The following PHLPP1 variants were observed in gnomAD, a reference collection of about 807,000 sequenced individuals.
PHLPP1 encodes the protein PH domain and leucine rich repeat protein phosphatase 1.
In PHLPP1, 42 loss-of-function variants were observed where a neutral mutation model predicts 117.2. The ratio of observed to expected loss-of-function variants is 0.36; its 90% CI spans 0.28 to 0.46. The LOEUF (loss-of-function observed/expected upper bound fraction) is 0.46, where lower values mean the gene tolerates loss of function less well. Ranked by LOEUF, PHLPP1 falls within the 20% of genes least tolerant of loss-of-function variation. The pLI is 1.00. For missense variants in PHLPP1, 2,084 were observed against 2,241.9 expected, an observed-to-expected ratio of 0.93 and a Z score of 1.42; for synonymous variants, 1,042 against 970.7, an observed-to-expected ratio of 1.07 and a Z score of -1.37.
intron 3 of PHLPP1, among the ~76,000 whole-genome samples, chr18:62,848,455 A>ATTTTTTTTTTTTTTTTTTTTT (rs56223512): frequency 2.3e-5 from 2 of 88,550 alleles, no homozygotes; most frequent in Non-Finnish European, 4.1e-5. Flanking sequence ...TTTTTTGTTG[A>ATTTTTTTTTTTTTTTTTTTTT]TTTTTTTTTT....
At chr18:62,958,606 G>T in intron 12 of PHLPP1, 23 bp from the exon 13 acceptor site, 1 of 1,613,228 alleles carries the variant, frequency 6.2e-7, no homozygotes, top group South Asian at 1.1e-5. Context: ...TCTCTTTCTT[G>T]TTTGCACTTG....
At chr18:62,831,195 C>T (rs149516270) in intron 2 of PHLPP1, among the ~76,000 whole-genome samples, 1 of 152,114 alleles carries the variant, frequency 6.6e-6, no homozygotes, top group African/African-American at 2.4e-5. Flanking sequence ...TTTATAAAGT[C>T]CCAAGCATTG....
chr18:62,815,166 T>C (rs1367680303), intron 1 of PHLPP1, among the ~76,000 whole-genome samples: 2 of 150,440 alleles, frequency 1.3e-5, no homozygotes, highest in African/African-American at 4.9e-5. Context: ...TTTTCCTCTT[T>C]TTTTTTTTTT....
At chr18:62,737,284 AT>A (rs1911397795) in intron 1 of PHLPP1, among the ~76,000 whole-genome samples, 1 of 152,114 alleles carries the variant, frequency 6.6e-6, no homozygotes, top group South Asian at 2.1e-4. Flanking sequence ...GAGTGGTGAA[AT>A]TTTAGGTGAT....
At chr18:62,801,412 C>T (rs1913779109) in intron 1 of PHLPP1, among the ~76,000 whole-genome samples, 1 of 151,630 alleles carries the variant, frequency 6.6e-6, no homozygotes, top group Non-Finnish European at 1.5e-5. Flanking sequence ...ACATGTTTTG[C>T]CTGGTAGGTT....
intron 2 of PHLPP1, among the ~76,000 whole-genome samples, chr18:62,835,858 G>A (rs141197278): frequency 2.5e-3 from 341 of 135,776 alleles, no homozygotes; most frequent in Non-Finnish European, 2.8e-3. Flanking sequence ...TCAGCTCACT[G>A]CATCCTCCAC....
intron 1 of PHLPP1, among the ~76,000 whole-genome samples, chr18:62,789,880 A>G (rs1465261145): frequency 6.6e-6 from 1 of 152,184 alleles, no homozygotes; most frequent in Admixed American, 6.5e-5. Flanking sequence ...GATGCTTTTC[A>G]CAGTAACACA....
intron 3 of PHLPP1, among the ~76,000 whole-genome samples, chr18:62,845,682 G>C (rs1421561203): frequency 2.0e-5 from 3 of 152,108 alleles, no homozygotes; most frequent in Non-Finnish European, 4.4e-5. Flanking sequence ...CTCTTAACTT[G>C]AAGTGTAGTT....
intron 1 of PHLPP1, among the ~76,000 whole-genome samples, chr18:62,778,204 C>A (rs1026684806): frequency 6.6e-6 from 1 of 152,146 alleles, no homozygotes; most frequent in Non-Finnish European, 1.5e-5. Flanking sequence ...TTCTTCCCAG[C>A]ACCTCCTAGA....
chr18:62,925,997 A>T (rs955853789), intron 10 of PHLPP1, among the ~76,000 whole-genome samples: 5 of 152,206 alleles, frequency 3.3e-5, no homozygotes, highest in African/African-American at 1.2e-4. Context: ...AAGGATTTTA[A>T]TGGAAAAACT....
intron 1 of PHLPP1, among the ~76,000 whole-genome samples, chr18:62,741,671 G>T (rs1487545220): frequency 6.6e-6 from 1 of 150,404 alleles, no homozygotes; most frequent in Non-Finnish European, 1.5e-5. Context: ...ATAAATAATT[G>T]TTTAATTGTA....
At chr18:62,766,104 A>T (rs181742073) in intron 1 of PHLPP1, among the ~76,000 whole-genome samples, 1,609 of 40,150 alleles carry the variant, frequency 0.04, 93 homozygotes, top group African/African-American at 0.057. Context: ...TATATATATA[A>T]AATATATATA....
In PHLPP1 at chr18:62,715,919, C is replaced by T; in HGVS notation, c.236C>T (p.Pro79Leu). 1.0e-6 allele frequency: 1 copy of T among 999,554 alleles called. No individual in the cohort carries two copies. The highest frequency in any genetic ancestry group is 1.2e-6 in the Non-Finnish European group (1 of 830,966). The allele number at this position is 999,554 out of a possible 1,614,324, so 61.9% of individuals were successfully genotyped here. ...GAREEAPGEA[P>L]PGPLPGRAGG... The stretch of plus-strand genomic sequence containing the variant: ...CGGGAAGAGGCCCCAGGCGAGGCGC[C>T]GCCGGGGCCGCTGCCGGGCAGAGCG... The change falls in exon 1 of 17, where the codon CCG becomes CTG. Residue 79 changes from proline to leucine, a missense_variant. This residue lies in a region of PHLPP1 where 719 missense variants were observed against 636.0 expected (regional missense o/e 1.13). Transcript: ENST00000262719.
At chr18:62,734,963 G>A (rs1346856448) in intron 1 of PHLPP1, among the ~76,000 whole-genome samples, 1 of 152,048 alleles carries the variant, frequency 6.6e-6, no homozygotes, top group East Asian at 1.9e-4. Context: ...TGAGGGACTT[G>A]GTGTTTAATT....
chr18:62,871,092 TA>T (rs1915890039), intron 4 of PHLPP1, among the ~76,000 whole-genome samples: 3 of 152,352 alleles, frequency 2.0e-5, no homozygotes, highest in African/African-American at 7.2e-5. Context: ...AGATTATTGT[TA>T]TTTGCAATAG....
At chr18:62,886,770 T>G (rs1371152415) in intron 4 of PHLPP1, among the ~76,000 whole-genome samples, 1 of 152,262 alleles carries the variant, frequency 6.6e-6, no homozygotes, top group Non-Finnish European at 1.5e-5. Flanking sequence ...TGATGCTCAT[T>G]GCTGTTTGCT....
At chr18:62,821,186 C>G (rs1184805237) in intron 1 of PHLPP1, among the ~76,000 whole-genome samples, 1 of 152,150 alleles carries the variant, frequency 6.6e-6, no homozygotes, top group South Asian at 2.1e-4. Context: ...AATCCCAACA[C>G]TGGGAGGCTG....
chr18:62,848,732 G>A, intron 3 of PHLPP1, among the ~76,000 whole-genome samples: 1 of 152,116 alleles, frequency 6.6e-6, no homozygotes. Context: ...CCAAAGTACT[G>A]GGATGACAGG....
At chr18:62,730,456 T>A (rs1911195627) in intron 1 of PHLPP1, among the ~76,000 whole-genome samples, 2 of 151,998 alleles carry the variant, frequency 1.3e-5, no homozygotes, top group Non-Finnish European at 2.9e-5. Context: ...ATGTGAGACC[T>A]ATAGTAAACC....
Sources: allele counts gnomAD v4.1 joint callset (sites outside exome capture counted in the v4.1 genomes callset), GRCh38; gene constraint gnomAD v4.1.1; regional missense constraint gnomAD v4.1.1; transcripts MANE v1.5; gene names NCBI Gene and HGNC (gene_info 2026-07-23, HGNC 2026-07-21).